CFAP74: variants seen among roughly 807,000 people sequenced by gnomAD.
CFAP74 encodes cilia and flagella associated protein 74.
Under a neutral mutation model 188.9 loss-of-function variants are expected in CFAP74, and 124 were observed. The ratio of observed to expected loss-of-function variants is 0.66; its 90% CI spans 0.57 to 0.76. The LOEUF (loss-of-function observed/expected upper bound fraction) is 0.76, where lower values mean the gene tolerates loss of function less well. Among genes scored for constraint, CFAP74 ranks in the 30% least tolerant of loss-of-function variants. CFAP74 has a pLI of 0.00. For missense variants in CFAP74, 2,198 were observed against 2,165.2 expected, an observed-to-expected ratio of 1.02 and a Z score of -0.30; for synonymous variants, 956 against 916.7, an observed-to-expected ratio of 1.04 and a Z score of -0.77.
At chr1:1,955,114 C>G (rs1424849919) in intron 18 of CFAP74, 61 of 1,147,416 alleles carry the variant, frequency 5.3e-5, no homozygotes, top group Non-Finnish European at 6.5e-5. Flanking sequence ...CGGCCCAGCT[C>G]CGCGCTGAGC....
intron 18 of CFAP74, chr1:1,955,458 A>G: frequency 6.4e-7 from 1 of 1,553,374 alleles, no homozygotes; most frequent in Non-Finnish European, 8.7e-7. Flanking sequence ...CCAATGCTGG[A>G]GGTGCCTTCA....
chr1:1,959,087 G>T, intron 16 of CFAP74, 33 bp downstream of exon 16: 2 of 1,503,442 alleles, frequency 1.3e-6, no homozygotes, highest in Non-Finnish European at 1.8e-6. Flanking sequence ...AGCATGCCCC[G>T]AGAAATGCTG....
At chr1:1,943,842 G>T (rs1653556248) in intron 21 of CFAP74, among the ~76,000 whole-genome samples, 1 of 152,232 alleles carries the variant, frequency 6.6e-6, no homozygotes, top group African/African-American at 2.4e-5. Context: ...TGCGGGCAGG[G>T]CCGTGCCCTT....
intron 5 of CFAP74, 69 bp downstream of exon 5, chr1:1,986,868 G>C: frequency 1.5e-6 from 2 of 1,344,856 alleles, no homozygotes; most frequent in Non-Finnish European, 2.1e-6. Flanking sequence ...GCCTCACTTT[G>C]GGTGAACCAG....
chr1:1,986,220 TA>T (rs1657226233), intron 5 of CFAP74, among the ~76,000 whole-genome samples: 1 of 151,738 alleles, frequency 6.6e-6, no homozygotes, highest in Non-Finnish European at 1.5e-5. Context: ...CTGTCTCTAC[TA>T]AAAATACAAA....
At chr1:1,959,389 C>T (rs986071231) in intron 15 of CFAP74, among the ~76,000 whole-genome samples, 180 bp from the exon 16 acceptor site, 52 of 151,512 alleles carry the variant, frequency 3.4e-4, no homozygotes, top group Non-Finnish European at 1.2e-4. Context: ...CCACCTCAGC[C>T]TCTCCACTAG....
intron 38 of CFAP74, 26 bp downstream of exon 38, chr1:1,922,563 C>T: frequency 4.4e-6 from 7 of 1,607,180 alleles, no homozygotes; most frequent in Non-Finnish European, 5.9e-6. Context: ...CCAGGGCTCC[C>T]TGGCCTGGAG....
intron 32 of CFAP74, 134 bp downstream of exon 32, chr1:1,926,094 G>C (rs1224121214): frequency 5.7e-6 from 8 of 1,415,570 alleles, no homozygotes; most frequent in Non-Finnish European, 4.7e-6. Context: ...TGAGGGCCTG[G>C]GGGCCAGGCT....
chr1:1,925,170 G>A (rs1413636261), intron 33 of CFAP74, among the ~76,000 whole-genome samples: 2 of 137,702 alleles, frequency 1.5e-5, no homozygotes, highest in Admixed American at 7.2e-5. Context: ...ATGAGGGCAC[G>A]CAGGGCAGGG....
Position 1,963,786 on chromosome 1 carries a change from C to A in CFAP74, c.1657G>T (p.Gly553Cys). 1 of 1,613,952 alleles carries A rather than the reference C, an allele frequency of 6.2e-7. No individual in the cohort carries two copies. Among genetic ancestry groups the A allele is most frequent in the Non-Finnish European group, 8.5e-7 (1 of 1,179,892 alleles). Residue 553 changes from glycine to cysteine, a missense_variant, in exon 14 of 39, where the codon GGC (glycine) becomes TGC (cysteine). Transcript: ENST00000682832. ...AAGTCCCGGAGGTGCTCCTCCACGC[C>A]CACCAGCTTGCAGTAGTTGATCGTG... ...TYTINYCKLV[G>C]VEEHLRDFIH...
chr1:1,976,983 C>T (rs537842224), intron 6 of CFAP74, among the ~76,000 whole-genome samples: 113 of 152,018 alleles, frequency 7.4e-4, no homozygotes, highest in African/African-American at 2.4e-3. Context: ...GTAGCTGGGA[C>T]TACAGGTGCC....
At position 1,923,823 on chromosome 1, in the gene CFAP74, G is replaced by C; in HGVS notation, c.4341C>G (p.His1447Gln). Reference protein sequence around the residue: ...QDFTVTFSPDHESLYFSDKLQ... With the variant: ...QDFTVTFSPDQESLYFSDKLQ... ...GCTTGTCGGAGAAGTAGAGGCTTTC[G>C]TGGTCGGGGCTGAAGGTGACAGTGA... is the stretch of plus-strand genomic sequence containing the variant. Residue 1447 changes from histidine to glutamine, a missense_variant, in exon 35 of 39, where the codon CAC becomes CAG. Coordinates refer to ENST00000682832, the MANE Select transcript of CFAP74 (RefSeq NM_001304360.2). The surrounding 1 kb of genome is among the most constrained non-coding windows in gnomAD (Gnocchi z 6.3). 2 of 1,613,496 alleles carry C rather than the reference G, an allele frequency of 1.2e-6. No individual in the cohort carries two copies. Among genetic ancestry groups the C allele is most frequent in the Non-Finnish European group, 1.7e-6 (2 of 1,179,846 alleles).
At chr1:1,994,033 T>G (rs541582712) in intron 1 of CFAP74, among the ~76,000 whole-genome samples, 3 of 151,636 alleles carry the variant, frequency 2.0e-5, no homozygotes, top group Non-Finnish European at 1.5e-5. Flanking sequence ...GGCGTGGTGG[T>G]GGGCACCTGT....
rs930525837 is a variant in CFAP74 at position 1,923,148 on chromosome 1, G to A, written c.4523-3C>T. On this transcript the variant is annotated splice_polypyrimidine_tract_variant and splice_region_variant and intron_variant, in intron 36 of 38. Transcript: ENST00000682832. The surrounding 1 kb of genome is among the most constrained non-coding windows in gnomAD (Gnocchi z 6.3). ...GAGAGGGCCTGGCCGGGAGCTGGCT[G>A]GAGGGGTGTGGCCAGGGGAGCTGTT... The A allele has an allele frequency of 6.2e-6, 10 of 1,605,396 alleles. No homozygotes were observed. The highest frequency in any genetic ancestry group is 1.3e-5 in the African/African-American group (1 of 74,676).
chr1:1,986,860 C>T lies in CFAP74; in HGVS notation c.395+77G>A. On this transcript the variant is annotated intron_variant, in intron 5 of 38. Coordinates refer to ENST00000682832, the MANE Select transcript of CFAP74 (RefSeq NM_001304360.2). ...CCTGAACACAGCAGGTGCTTCACGC[C>T]TCACTTTGGGTGAACCAGTGAACCT... The T allele has an allele frequency of 7.9e-6, 10 of 1,267,596 alleles. No individual in the cohort carries two copies. The South Asian group carries it at 1.1e-4, about 14-fold the overall frequency. 78.5% of individuals were successfully genotyped at this position (1,267,596 alleles called of 1,614,324 possible). A position where few individuals can be genotyped will look rare whatever the true frequency, so the allele number is the denominator to read the frequency against.
At chr1:1,997,520 A>G (rs574375064) in intron 1 of CFAP74, among the ~76,000 whole-genome samples, 1 of 152,306 alleles carries the variant, frequency 6.6e-6, no homozygotes, top group South Asian at 2.1e-4. Flanking sequence ...CCAAACAAAT[A>G]TACAGATAAG....
chr1:1,985,537 T>C, intron 5 of CFAP74, 47 bp from the exon 6 acceptor site: 1 of 1,469,224 alleles, frequency 6.8e-7, no homozygotes, highest in Non-Finnish European at 9.5e-7. Flanking sequence ...GCCTCAGTCA[T>C]CCAGGGGCCA....
In CFAP74 at chr1:1,923,649, G is replaced by A; in HGVS notation, c.4389+126C>T. On this transcript the variant is annotated intron_variant, in intron 35 of 38. Transcript: ENST00000682832. The surrounding 1 kb of genome is among the most constrained non-coding windows in gnomAD (Gnocchi z 6.3). ...CTGGTCTTTCCACTGACGGCCCTCA[G>A]TGTGGTGCTGAGTCCCCCAGCCATG... The A allele has an allele frequency of 6.5e-7, 1 of 1,539,018 alleles. No individual in the cohort carries two copies. Among genetic ancestry groups the A allele is most frequent in the Non-Finnish European group, 8.9e-7 (1 of 1,125,942 alleles).
chr1:1,971,066 C>CGCACACCTGCACACACTCATACAT (rs1240293328), intron 9 of CFAP74, among the ~76,000 whole-genome samples: 5 of 139,498 alleles, frequency 3.6e-5, no homozygotes, highest in Non-Finnish European at 7.5e-5. Context: ...TGCTCACACA[C>CGCACACCTGCACACACTCATACAT]GCACACCTGC....
Sources: allele counts gnomAD v4.1 joint callset (sites outside exome capture counted in the v4.1 genomes callset), GRCh38; gene constraint gnomAD v4.1.1; non-coding constraint Gnocchi (gnomAD v3.1); transcripts MANE v1.5; gene names NCBI Gene and HGNC (gene_info 2026-07-23, HGNC 2026-07-21).